The following ATF7IP variants were observed in gnomAD, a reference collection of about 807,000 sequenced individuals.
ATF7IP encodes activating transcription factor 7 interacting protein.
A neutral mutation model predicts 106.4 loss-of-function variants in ATF7IP; 23 were observed. The ratio of observed to expected loss-of-function variants is 0.22; its 90% CI spans 0.16 to 0.31. ATF7IP has a LOEUF of 0.31. Ranked by LOEUF, ATF7IP falls within the 10% of genes least tolerant of loss-of-function variation. The pLI, the probability that ATF7IP is intolerant of heterozygous loss-of-function variation, is 1.00. For missense variants in ATF7IP, 1,334 were observed against 1,524.3 expected, an observed-to-expected ratio of 0.88 and a Z score of 2.08; for synonymous variants, 542 against 539.0, an observed-to-expected ratio of 1.01 and a Z score of -0.08.
rs373638599 is a variant in ATF7IP at position 14,424,557 on chromosome 12, G to C, written c.642G>C (p.Pro214=). ...PTSSDPIPGE[P]VPVEPISGDC... ...CTAGTGATCCCATCCCAGGTGAACC[G>C]GTCCCTGTTGAACCCATTTCTGGTG... The change falls in exon 2 of 15, where the codon CCG becomes CCC. Residue 214 remains proline (P), a synonymous_variant. Coordinates refer to ENST00000261168, the MANE Select transcript of ATF7IP (RefSeq NM_018179.5). 3.1e-6 allele frequency: 5 copies of C among 1,613,994 alleles called. No homozygotes were observed. In the African/African-American group the frequency reaches 5.3e-5, roughly 17 times the overall value.
At chr12:14,377,486 G>A (rs1226227224) in intron 1 of ATF7IP, among the ~76,000 whole-genome samples, 1 of 151,402 alleles carries the variant, frequency 6.6e-6, no homozygotes, top group Non-Finnish European at 1.5e-5. Flanking sequence ...CTCCCGAGTA[G>A]CTGGGACTAC....
chr12:14,383,008 CTATT>C (rs1939058965), intron 1 of ATF7IP, among the ~76,000 whole-genome samples: 1 of 152,174 alleles, frequency 6.6e-6, no homozygotes, highest in Non-Finnish European at 1.5e-5. Flanking sequence ...GGCCTTGACA[CTATT>C]TATCTGAATA....
chr12:14,489,248 AT>A (rs1944728661), intron 13 of ATF7IP, among the ~76,000 whole-genome samples: 1 of 152,118 alleles, frequency 6.6e-6, no homozygotes, highest in African/African-American at 2.4e-5. Context: ...CCTTACCTCC[AT>A]TGTGGAACAG....
chr12:14,366,640 T>C (rs1355383187), intron 1 of ATF7IP, among the ~76,000 whole-genome samples: 1 of 152,208 alleles, frequency 6.6e-6, no homozygotes, highest in Non-Finnish European at 1.5e-5. Flanking sequence ...TGTTTTAAGT[T>C]TCTTAGGTGA....
At chr12:14,494,220 C>A (rs1944921011) in intron 13 of ATF7IP, among the ~76,000 whole-genome samples, 1 of 145,252 alleles carries the variant, frequency 6.9e-6, no homozygotes, top group South Asian at 2.2e-4. Flanking sequence ...TATTCTGTTC[C>A]TCTGGACCCC....
chr12:14,464,196 C>G (rs199996565), intron 9 of ATF7IP, among the ~76,000 whole-genome samples: 19 of 152,248 alleles, frequency 1.2e-4, no homozygotes, highest in Non-Finnish European at 2.6e-4. Context: ...CCTGCAGTCC[C>G]AGCTACCCAG....
In ATF7IP at chr12:14,368,239, A is replaced by G. The variant is rs1938387787; in HGVS notation, c.-8+2412A>G. Among the ~76,000 whole-genome samples, 7 of 152,200 alleles carry G rather than the reference A, an allele frequency of 4.6e-5. No individual in the cohort carries two copies. In the South Asian group the frequency reaches 1.4e-3, roughly 32 times the overall value. ...TCACTTTTCCATGATTGAGCAATCT[A>G]TAAATGTTTATTAATTAGTTTTTCA... is the stretch of plus-strand genomic sequence containing the variant. On this transcript the variant is annotated intron_variant, in intron 1 of 14. Transcript: ENST00000261168.
intron 5 of ATF7IP, among the ~76,000 whole-genome samples, chr12:14,443,988 G>A (rs1414908264): frequency 1.3e-5 from 2 of 152,024 alleles, no homozygotes; most frequent in East Asian, 3.8e-4. Context: ...TGAAGAAAAA[G>A]GACAGAACCA....
At chr12:14,451,242 C>T (rs996712534) in intron 6 of ATF7IP, among the ~76,000 whole-genome samples, 1 of 150,614 alleles carries the variant, frequency 6.6e-6, no homozygotes, top group African/African-American at 2.4e-5. Flanking sequence ...GTTCTAATGT[C>T]TTCTCTTTCT....
At chr12:14,449,278 T>C (rs1178707937) in intron 6 of ATF7IP, among the ~76,000 whole-genome samples, 1 of 152,156 alleles carries the variant, frequency 6.6e-6, no homozygotes, top group Admixed American at 6.6e-5. Flanking sequence ...TGGTTTTAGG[T>C]CTTATATTTA....
chr12:14,494,331 A>T (rs370706566), intron 13 of ATF7IP, among the ~76,000 whole-genome samples: 8 of 90,594 alleles, frequency 8.8e-5, no homozygotes, highest in Non-Finnish European at 1.7e-4. Context: ...ATATATATAT[A>T]TATGTGTGTG....
chr12:14,461,231 G>A (rs1943628140), intron 9 of ATF7IP, 98 bp downstream of exon 9: 5 of 1,066,398 alleles, frequency 4.7e-6, no homozygotes, highest in Non-Finnish European at 6.6e-6. Flanking sequence ...GTTATTGGAA[G>A]TACAAAATAA....
intron 5 of ATF7IP, among the ~76,000 whole-genome samples, chr12:14,438,501 G>A (rs1302020741): frequency 1.3e-5 from 2 of 152,200 alleles, no homozygotes; most frequent in African/African-American, 4.8e-5. Context: ...GAAGATCAAG[G>A]TGTCAGCAGT....
In ATF7IP at chr12:14,471,919, G is replaced by A. The variant is rs141013752; in HGVS notation, c.2863-3971G>A. Among the ~76,000 whole-genome samples, 201 of 152,258 alleles carry A rather than the reference G, an allele frequency of 1.3e-3. 4 individuals carry two copies. The East Asian group carries it at 0.034, about 26-fold the overall frequency. On this transcript the variant is annotated intron_variant, in intron 10 of 14. Coordinates refer to ENST00000261168, the MANE Select transcript of ATF7IP (RefSeq NM_018179.5). The stretch of plus-strand genomic sequence containing the variant: ...TGCTACTTTTCTAAGTTACCTGTGT[G>A]TATAGAGTTTAAGAAATGATCATTG...
intron 1 of ATF7IP, among the ~76,000 whole-genome samples, chr12:14,383,774 C>T (rs372810081): frequency 6.6e-6 from 1 of 152,160 alleles, no homozygotes; most frequent in African/African-American, 2.4e-5. Flanking sequence ...GTTGGCCACG[C>T]AGGTCTCAAA....
At chr12:14,408,141 C>CACACAA (rs550112357) in intron 1 of ATF7IP, among the ~76,000 whole-genome samples, 17 of 151,418 alleles carry the variant, frequency 1.1e-4, no homozygotes, top group African/African-American at 2.4e-4. Context: ...CACACACACA[C>CACACAA]AAATATATAT....
intron 13 of ATF7IP, among the ~76,000 whole-genome samples, chr12:14,483,367 ACTT>A (rs922167640): frequency 2.0e-5 from 3 of 152,134 alleles, no homozygotes; most frequent in South Asian, 2.1e-4. Context: ...CAGTAGACTA[ACTT>A]CTTCTTGGTA....
chr12:14,445,027 T>C (rs1446748468), intron 5 of ATF7IP, among the ~76,000 whole-genome samples: 1 of 149,294 alleles, frequency 6.7e-6, no homozygotes, highest in Non-Finnish European at 1.5e-5. Context: ...AGTCTTGCTC[T>C]GTCATCCAGG....
chr12:14,470,316 G>A (rs1030323102), intron 10 of ATF7IP, among the ~76,000 whole-genome samples: 13 of 152,082 alleles, frequency 8.5e-5, no homozygotes, highest in African/African-American at 2.4e-4. Flanking sequence ...GAGACTGGTC[G>A]TTTTGGAAAA....
Sources: allele counts gnomAD v4.1 joint callset (sites outside exome capture counted in the v4.1 genomes callset), GRCh38; gene constraint gnomAD v4.1.1; transcripts MANE v1.5; gene names NCBI Gene and HGNC (gene_info 2026-07-23, HGNC 2026-07-21).